SORCS3: variants seen among roughly 807,000 people sequenced by gnomAD.
SORCS3 encodes sortilin related VPS10 domain containing receptor 3, also known as VPS10 domain-containing receptor SorCS3.
In SORCS3, 57 loss-of-function variants were observed where a neutral mutation model predicts 146.3. The observed-to-expected ratio is 0.39, with a 90% CI of 0.31 to 0.49. SORCS3 has a LOEUF of 0.49. SORCS3 is among the 20% of genes least tolerant of loss of function. The probability of loss-of-function intolerance (pLI) is 0.92; values close to 1 mark genes in which losing one functional copy is unlikely to be tolerated. For synonymous variants in SORCS3, 653 were observed against 618.5 expected (o/e 1.06, Z -0.83); for missense variants, 1,341 against 1,575.5 (o/e 0.85, Z 2.52).
At chr10:104,646,723 G>C (rs1175722278) in intron 1 of SORCS3, among the ~76,000 whole-genome samples, 1 of 152,202 alleles carries the variant, frequency 6.6e-6, no homozygotes, top group African/African-American at 2.4e-5. Context: ...GTCAAAGGAG[G>C]ATTCTGCAGT....
At chr10:104,657,348 G>C (rs1267627530) in intron 1 of SORCS3, among the ~76,000 whole-genome samples, 9 of 152,196 alleles carry the variant, frequency 5.9e-5, no homozygotes, top group Admixed American at 5.9e-4. Context: ...TTGAGATTTA[G>C]GTGGTTTATT....
At chr10:105,129,330 T>TCC (rs2055999406) in intron 7 of SORCS3, among the ~76,000 whole-genome samples, 1 of 103,788 alleles carries the variant, frequency 9.6e-6, no homozygotes, top group Non-Finnish European at 2.0e-5. Flanking sequence ...TCTTTCTTTC[T>TCC]CTTTTTTTTT....
intron 3 of SORCS3, among the ~76,000 whole-genome samples, chr10:104,951,548 T>C (rs969022666): frequency 6.6e-6 from 1 of 152,078 alleles, no homozygotes; most frequent in African/African-American, 2.4e-5. Flanking sequence ...TCTCGCTATG[T>C]TGCCCAGCCT....
chr10:105,081,993 G>A (rs2055629283), intron 5 of SORCS3, among the ~76,000 whole-genome samples: 1 of 152,174 alleles, frequency 6.6e-6, no homozygotes, highest in African/African-American at 2.4e-5. Flanking sequence ...TTATCTAACA[G>A]AATGAAAGTA....
intron 1 of SORCS3, among the ~76,000 whole-genome samples, chr10:104,711,174 A>G (rs2016410951): frequency 6.6e-6 from 1 of 152,228 alleles, no homozygotes; most frequent in African/African-American, 2.4e-5. Context: ...TACATGAATT[A>G]ACTAATTTAA....
At chr10:104,846,311 CTGATA>C (rs1226386894) in intron 2 of SORCS3, among the ~76,000 whole-genome samples, 2 of 152,146 alleles carry the variant, frequency 1.3e-5, no homozygotes, top group Non-Finnish European at 2.9e-5. Context: ...TTTTCCTGTA[CTGATA>C]ATGATGTATT....
intron 13 of SORCS3, among the ~76,000 whole-genome samples, chr10:105,176,264 G>A (rs1236801191): frequency 6.6e-6 from 1 of 152,060 alleles, no homozygotes; most frequent in Non-Finnish European, 1.5e-5. Context: ...CCCAGGTTAG[G>A]CTGGGCATGG....
chr10:105,257,456 G>C (rs868246151), intron 25 of SORCS3, among the ~76,000 whole-genome samples: 1 of 152,024 alleles, frequency 6.6e-6, no homozygotes, highest in South Asian at 2.1e-4. Flanking sequence ...AATTGATTAG[G>C]AGAACAAAAC....
intron 4 of SORCS3, among the ~76,000 whole-genome samples, chr10:105,036,731 A>G (rs1334313566): frequency 6.6e-6 from 1 of 152,156 alleles, no homozygotes; most frequent in Non-Finnish European, 1.5e-5. Context: ...ACCACAAACT[A>G]AGGGATTCTC....
At chr10:104,730,571 G>A (rs1318816952) in intron 1 of SORCS3, among the ~76,000 whole-genome samples, 2 of 152,132 alleles carry the variant, frequency 1.3e-5, no homozygotes, top group African/African-American at 2.4e-5. Flanking sequence ...TTCCTCAGCT[G>A]GGCCCTTAGG....
chr10:105,100,702 T>C (rs956861433), intron 6 of SORCS3, among the ~76,000 whole-genome samples: 2 of 152,252 alleles, frequency 1.3e-5, no homozygotes, highest in Admixed American at 1.3e-4. Context: ...GTAGAACCTG[T>C]GATATCATGG....
At chr10:105,242,547 T>TAC (rs2056835639) in intron 20 of SORCS3, among the ~76,000 whole-genome samples, 1 of 99,890 alleles carries the variant, frequency 1.0e-5, no homozygotes, top group African/African-American at 4.2e-5. Context: ...TATATTTATA[T>TAC]ATTTATATAC....
At chr10:104,909,624 A>G (rs1221006844) in intron 2 of SORCS3, among the ~76,000 whole-genome samples, 1 of 150,818 alleles carries the variant, frequency 6.6e-6, no homozygotes, top group African/African-American at 2.5e-5. Flanking sequence ...CTGACTGGAT[A>G]AGGAAAGCCA....
chr10:104,773,868 T>C (rs758880298), intron 1 of SORCS3, among the ~76,000 whole-genome samples: 57 of 152,174 alleles, frequency 3.7e-4, no homozygotes, highest in Non-Finnish European at 6.9e-4. Flanking sequence ...GAGATATTTG[T>C]TGCTCAATGT....
chr10:104,993,564 G>T lies in SORCS3; in HGVS notation c.954+16071G>T, dbSNP rs141256337. Among the ~76,000 whole-genome samples the T allele has an allele frequency of 3.1e-3, 471 of 152,276 alleles. 2 individuals are homozygous for T. Among genetic ancestry groups the T allele is most frequent in the South Asian group, 0.019 (92 of 4,822 alleles). ...TCAAATATGATCATGTCAATATTGG[G>T]CATGAATGTTTTCATAATTGAAATG... On this transcript the variant is annotated intron_variant, in intron 4 of 26. Coordinates refer to ENST00000369701, the MANE Select transcript of SORCS3 (RefSeq NM_014978.3).
intron 2 of SORCS3, among the ~76,000 whole-genome samples, chr10:104,846,115 G>C (rs538812017): frequency 1.3e-5 from 2 of 152,232 alleles, no homozygotes; most frequent in East Asian, 3.9e-4. Flanking sequence ...TTTGTGTTAG[G>C]TTTCAGGAGG....
intron 20 of SORCS3, 38 bp downstream of exon 20, chr10:105,223,287 A>G (rs376374071): frequency 2.6e-6 from 4 of 1,556,588 alleles, no homozygotes; most frequent in Non-Finnish European, 2.6e-6. Context: ...TTAGATCTGT[A>G]CTGAATGCTC....
chr10:104,910,677 C>T (rs1288055279), intron 2 of SORCS3, among the ~76,000 whole-genome samples: 2 of 152,148 alleles, frequency 1.3e-5, no homozygotes, highest in African/African-American at 4.8e-5. Context: ...CTAATAGTGG[C>T]CAAATGATGG....
intron 12 of SORCS3, among the ~76,000 whole-genome samples, chr10:105,167,022 G>A (rs2056319541): frequency 1.3e-5 from 2 of 152,256 alleles, no homozygotes; most frequent in Admixed American, 6.5e-5. Flanking sequence ...CACAGTACTA[G>A]TAGTGGAAAG....
Sources: gnomAD v4.1 joint callset for allele counts (sites outside exome capture counted in the v4.1 genomes callset) on GRCh38, gnomAD v4.1.1 for gene constraint, MANE v1.5 for transcripts, NCBI Gene and HGNC (gene_info 2026-07-23, HGNC 2026-07-21) for gene names.